CAMK2D: variants seen among roughly 807,000 people sequenced by gnomAD.
CAMK2D encodes calcium/calmodulin dependent protein kinase II delta.
In CAMK2D, 37 loss-of-function variants were observed where a neutral mutation model predicts 84.0. The observed-to-expected ratio is 0.44, with a 90% CI of 0.34 to 0.58. The LOEUF (loss-of-function observed/expected upper bound fraction) is 0.58, where lower values mean the gene tolerates loss of function less well. Ranked by LOEUF, CAMK2D falls within the 20% of genes least tolerant of loss-of-function variation. The pLI, the probability that CAMK2D is intolerant of heterozygous loss-of-function variation, is 0.02. For synonymous variants in CAMK2D, 202 were observed against 212.5 expected (o/e 0.95, Z 0.43); for missense variants, 448 against 652.5 (o/e 0.69, Z 3.41).
intron 7 of CAMK2D, among the ~76,000 whole-genome samples, chr4:113,535,776 T>C (rs762651072): frequency 2.6e-5 from 4 of 152,212 alleles, no homozygotes; most frequent in African/African-American, 9.6e-5. Context: ...AAGGCAATTA[T>C]TGAACCTCTC....
intron 2 of CAMK2D, among the ~76,000 whole-genome samples, chr4:113,662,610 A>G (rs188576089): frequency 1.3e-5 from 2 of 152,302 alleles, no homozygotes; most frequent in South Asian, 2.1e-4. Flanking sequence ...CCACCATCTT[A>G]TATTGGCAAT....
intron 8 of CAMK2D, among the ~76,000 whole-genome samples, chr4:113,525,551 G>C (rs918677909): frequency 6.6e-6 from 1 of 152,186 alleles, no homozygotes; most frequent in African/African-American, 2.4e-5. Context: ...CTTCCAAAGA[G>C]AGAGTACAGG....
At chr4:113,633,917 T>C (rs1455933380) in intron 3 of CAMK2D, among the ~76,000 whole-genome samples, 3 of 152,228 alleles carry the variant, frequency 2.0e-5, no homozygotes, top group Non-Finnish European at 4.4e-5. Flanking sequence ...ATTTGAAGAA[T>C]TAGGTTCAAA....
intron 3 of CAMK2D, among the ~76,000 whole-genome samples, chr4:113,615,597 A>G (rs1372403875): frequency 6.6e-6 from 1 of 152,172 alleles, no homozygotes; most frequent in Non-Finnish European, 1.5e-5. Flanking sequence ...AATACAGTTA[A>G]TAAAATGACA....
chr4:113,661,816 A>C (rs1466899597), intron 2 of CAMK2D, 44 bp from the exon 3 acceptor site: 1 of 930,638 alleles, frequency 1.1e-6, no homozygotes, highest in Admixed American at 2.5e-5. Context: ...AAAGCAAAAA[A>C]TAATAAAACA....
chr4:113,511,503 G>A (rs1441617413), intron 12 of CAMK2D, among the ~76,000 whole-genome samples: 1 of 152,118 alleles, frequency 6.6e-6, no homozygotes, highest in African/African-American at 2.4e-5. Flanking sequence ...AAAATGTACA[G>A]TTTTAAATGT....
At chr4:113,679,005 T>C (rs942708773) in intron 2 of CAMK2D, among the ~76,000 whole-genome samples, 1 of 152,164 alleles carries the variant, frequency 6.6e-6, no homozygotes, top group South Asian at 2.1e-4. Flanking sequence ...TGATTTCTAA[T>C]AGCAGAAATT....
At chr4:113,534,588 T>C (rs1488726442) in intron 7 of CAMK2D, among the ~76,000 whole-genome samples, 4 of 152,218 alleles carry the variant, frequency 2.6e-5, no homozygotes, top group East Asian at 3.8e-4. Flanking sequence ...TGAAAATCTA[T>C]GTACTTTTAT....
chr4:113,737,405 A>C (rs2099583676), intron 2 of CAMK2D, among the ~76,000 whole-genome samples: 1 of 152,190 alleles, frequency 6.6e-6, no homozygotes, highest in Non-Finnish European at 1.5e-5. Context: ...CAAGTAGTGT[A>C]TGCTTCCACC....
intron 3 of CAMK2D, among the ~76,000 whole-genome samples, chr4:113,646,238 TA>T (rs1003068881): frequency 1.1e-4 from 17 of 152,050 alleles, no homozygotes; most frequent in African/African-American, 3.9e-4. Flanking sequence ...AACTTGAACT[TA>T]AAAAAAATAT....
At chr4:113,726,374 C>CTTT (rs34696947) in intron 2 of CAMK2D, among the ~76,000 whole-genome samples, 1,202 of 69,592 alleles carry the variant, frequency 0.017, 16 homozygotes, top group African/African-American at 0.032. Context: ...TTTGCTTGGG[C>CTTT]TTTTTTTTTT....
At chr4:113,701,685 C>T (rs546909245) in intron 2 of CAMK2D, among the ~76,000 whole-genome samples, 4 of 152,096 alleles carry the variant, frequency 2.6e-5, no homozygotes, top group Non-Finnish European at 4.4e-5. Context: ...CAGCTGAGAC[C>T]GTACGTAGGT....
chr4:113,686,463 T>G (rs549529349), intron 2 of CAMK2D, among the ~76,000 whole-genome samples: 2 of 152,240 alleles, frequency 1.3e-5, no homozygotes, highest in Non-Finnish European at 2.9e-5. Context: ...TCTCAAAATC[T>G]TAAGTAAGGT....
intron 2 of CAMK2D, among the ~76,000 whole-genome samples, chr4:113,673,908 T>C (rs950148267): frequency 6.6e-6 from 1 of 152,258 alleles, no homozygotes. Flanking sequence ...CTTACATGGC[T>C]GAAATAAATA....
intron 4 of CAMK2D, among the ~76,000 whole-genome samples, chr4:113,579,012 A>G (rs1377212054): frequency 7.8e-6 from 1 of 128,482 alleles, no homozygotes; most frequent in East Asian, 2.1e-4. Context: ...TCTTAACTTT[A>G]TAGAATAAAT....
chr4:113,730,168 T>C (rs1430218497), intron 2 of CAMK2D, among the ~76,000 whole-genome samples: 1 of 152,226 alleles, frequency 6.6e-6, no homozygotes. Context: ...GTTATATTAA[T>C]TAATGAATTC....
At chr4:113,678,455 C>T (rs1190942665) in intron 2 of CAMK2D, among the ~76,000 whole-genome samples, 1 of 134,386 alleles carries the variant, frequency 7.4e-6, no homozygotes, top group Non-Finnish European at 1.6e-5. Flanking sequence ...ATAGTTGGTT[C>T]TGTGATTTTT....
chr4:113,746,950 CAAA>C (rs202063823), intron 2 of CAMK2D, among the ~76,000 whole-genome samples: 1 of 125,738 alleles, frequency 8.0e-6, no homozygotes. Context: ...CTACATCAAC[CAAA>C]AAAAAAAAAA....
At chr4:113,644,139 G>T (rs2154296631) in intron 3 of CAMK2D, among the ~76,000 whole-genome samples, 1 of 152,242 alleles carries the variant, frequency 6.6e-6, no homozygotes, top group Admixed American at 6.5e-5. Flanking sequence ...GCAGACCCTG[G>T]TATACTCAGG....
Sources: allele counts gnomAD v4.1 joint callset (sites outside exome capture counted in the v4.1 genomes callset), GRCh38; gene constraint gnomAD v4.1.1; transcripts MANE v1.5; gene names NCBI Gene and HGNC (gene_info 2026-07-23, HGNC 2026-07-21).